The following PLXNA4 variants were observed in gnomAD, a reference collection of about 807,000 sequenced individuals.
The protein encoded by PLXNA4 is plexin-A4.
PLXNA4 carries 44 observed loss-of-function variants against 191.8 expected under a neutral mutation model. The observed-to-expected ratio is 0.23, with a 90% CI of 0.18 to 0.29. PLXNA4 has a LOEUF of 0.29. Ranked by LOEUF, PLXNA4 falls within the 10% of genes least tolerant of loss-of-function variation. PLXNA4 has a pLI of 1.00. For synonymous variants in PLXNA4, 1,082 were observed against 1,009.5 expected (o/e 1.07, Z -1.36); for missense variants, 1,800 against 2,488.8 (o/e 0.72, Z 5.89).
At chr7:132,306,235 A>G (rs1215358327) in intron 3 of PLXNA4, among the ~76,000 whole-genome samples, 1 of 152,192 alleles carries the variant, frequency 6.6e-6, no homozygotes, top group Non-Finnish European at 1.5e-5. Flanking sequence ...ATCCCTTGCA[A>G]CAAAATGCAA....
At chr7:132,578,905 T>C (rs560382287), upstream of PLXNA4, among the ~76,000 whole-genome samples, 2 of 152,236 alleles carry the variant, frequency 1.3e-5, no homozygotes, top group East Asian at 3.9e-4. Flanking sequence ...AAGCACACAA[T>C]ATCAGGTTAG....
intron 3 of PLXNA4, among the ~76,000 whole-genome samples, chr7:132,353,657 T>C (rs1026803788): frequency 6.6e-6 from 1 of 152,180 alleles, no homozygotes; most frequent in Non-Finnish European, 1.5e-5. Context: ...AACACAAGCA[T>C]GATTTATTTC....
chr7:132,323,573 G>C (rs534793230), intron 3 of PLXNA4, among the ~76,000 whole-genome samples: 1 of 152,130 alleles, frequency 6.6e-6, no homozygotes, highest in East Asian at 1.9e-4. Flanking sequence ...TCTTCCTCCT[G>C]CTCCACGGCT....
At chr7:132,611,315 A>G (rs961522297) in intron 2 of PLXNA4, among the ~76,000 whole-genome samples, 2 of 152,240 alleles carry the variant, frequency 1.3e-5, no homozygotes, top group Non-Finnish European at 2.9e-5. Context: ...CCCTAAAGAA[A>G]TGAAAGGTGT....
At chr7:132,487,725 G>A (rs1797617820) in intron 3 of PLXNA4, among the ~76,000 whole-genome samples, 2 of 152,156 alleles carry the variant, frequency 1.3e-5, no homozygotes, top group Non-Finnish European at 2.9e-5. Context: ...TGCATGAGAG[G>A]AAGACCCGGG....
chr7:132,630,733 A>C (rs1474050918), intron 2 of PLXNA4, among the ~76,000 whole-genome samples: 1 of 152,020 alleles, frequency 6.6e-6, no homozygotes, highest in Admixed American at 6.6e-5. Context: ...GGATGGTCTC[A>C]ATCTCCTGAC....
At chr7:132,559,233 G>T (rs1366322850) in intron 1 of PLXNA4, among the ~76,000 whole-genome samples, 3 of 152,158 alleles carry the variant, frequency 2.0e-5, no homozygotes, top group East Asian at 3.8e-4. Flanking sequence ...GGGAAAAGAG[G>T]CATGAGGAGG....
chr7:132,278,122 A>G (rs1800345107), intron 4 of PLXNA4, among the ~76,000 whole-genome samples: 1 of 152,258 alleles, frequency 6.6e-6, no homozygotes, highest in South Asian at 2.1e-4. Flanking sequence ...GTTATTTTCT[A>G]TGCAGAAAGT....
At chr7:132,484,092 G>A (rs1797447822) in intron 3 of PLXNA4, among the ~76,000 whole-genome samples, 1 of 152,204 alleles carries the variant, frequency 6.6e-6, no homozygotes, top group Non-Finnish European at 1.5e-5. Flanking sequence ...TTGAGTGAGG[G>A]CTTAATAGTG....
chr7:132,195,533 G>A (rs1194924298), intron 13 of PLXNA4, among the ~76,000 whole-genome samples: 2 of 152,202 alleles, frequency 1.3e-5, no homozygotes, highest in Non-Finnish European at 2.9e-5. Flanking sequence ...GCCAAATAAT[G>A]TTCCAAGAAG....
chr7:132,191,425 C>G (rs1174158861), intron 14 of PLXNA4, among the ~76,000 whole-genome samples: 1 of 152,022 alleles, frequency 6.6e-6, no homozygotes, highest in African/African-American at 2.4e-5. Flanking sequence ...CCTGGGTGGG[C>G]CAAGTGGAGA....
At chr7:132,195,961 A>C (rs1456986423) in intron 13 of PLXNA4, among the ~76,000 whole-genome samples, 1 of 152,234 alleles carries the variant, frequency 6.6e-6, no homozygotes, top group Non-Finnish European at 1.5e-5. Context: ...ACTTTTGAGT[A>C]AGGTTCCTGA....
intron 15 of PLXNA4, among the ~76,000 whole-genome samples, chr7:132,185,838 A>C (rs6946056): frequency 0.71 from 107,560 of 152,026 alleles, 39,761 homozygotes; most frequent in African/African-American, 0.93. Context: ...ACCTTGATGT[A>C]TCCTCTTAGT....
chr7:132,362,459 G>C (rs1192940382), intron 3 of PLXNA4, among the ~76,000 whole-genome samples: 1 of 152,230 alleles, frequency 6.6e-6, no homozygotes, highest in African/African-American at 2.4e-5. Flanking sequence ...GGGGCACCCA[G>C]ACTAAGAAAC....
At chr7:132,326,954 G>A (rs1802385898) in intron 3 of PLXNA4, among the ~76,000 whole-genome samples, 1 of 143,230 alleles carries the variant, frequency 7.0e-6, no homozygotes, top group South Asian at 2.3e-4. Flanking sequence ...AGAGAGGGAA[G>A]AAGGAAAGGA....
chr7:132,317,263 T>C (rs1337342432), intron 3 of PLXNA4, among the ~76,000 whole-genome samples: 1 of 151,510 alleles, frequency 6.6e-6, no homozygotes, highest in East Asian at 1.9e-4. Flanking sequence ...TTGGGTTGGG[T>C]TGGGTTGGAT....
At chr7:132,236,443 C>T (rs547443690) in intron 5 of PLXNA4, among the ~76,000 whole-genome samples, 1 of 152,278 alleles carries the variant, frequency 6.6e-6, no homozygotes, top group South Asian at 2.1e-4. Context: ...AACTCTTTTC[C>T]TGCCGTCCTG....
At position 132,132,463 on chromosome 7, in the gene PLXNA4, T is replaced by TTCTGTTCTGCTCTGC. The variant is rs1563048301; in HGVS notation, c.5589+585_5589+586insGCAGAGCAGAACAGA. Among the ~76,000 whole-genome samples the TTCTGTTCTGCTCTGC allele has an allele frequency of 1.4e-3, 92 of 65,588 alleles. 2 individuals are homozygous for TTCTGTTCTGCTCTGC. Among genetic ancestry groups the TTCTGTTCTGCTCTGC allele is most frequent in the African/African-American group, 3.6e-3 (69 of 19,434 alleles). 43.0% of individuals were successfully genotyped at this position (65,588 alleles called of 152,430 possible). A position where few individuals can be genotyped will look rare whatever the true frequency, so the allele number is the denominator to read the frequency against. ...TTCTGTTCTGTTCTGTTCTGTTCTGTTCTGCTCTGCTCTGCTCTGCTCTGC... is the reference window on the plus strand; with the variant it reads ...TTCTGTTCTGTTCTGTTCTGTTCTGTTCTGTTCTGCTCTGCTCTGCTCTGCTCTGCTCTGCTCTGC... On this transcript the variant is annotated intron_variant, in intron 31 of 31. Transcript: ENST00000321063.
At chr7:132,241,988 C>T (rs1489472294) in intron 4 of PLXNA4, among the ~76,000 whole-genome samples, 1 of 152,196 alleles carries the variant, frequency 6.6e-6, no homozygotes, top group Non-Finnish European at 1.5e-5. Context: ...TTTCTTTGTT[C>T]TCCAATGTAG....
Sources: gnomAD v4.1 joint callset for allele counts (sites outside exome capture counted in the v4.1 genomes callset) on GRCh38, gnomAD v4.1.1 for gene constraint, MANE v1.5 for transcripts, NCBI Gene and HGNC (gene_info 2026-07-23, HGNC 2026-07-21) for gene names.